Variants in FEM1C observed in about 807,000 individuals in gnomAD.
The protein encoded by FEM1C is fem-1 homolog C.
FEM1C carries 15 observed loss-of-function variants against 37.6 expected under a neutral mutation model. The observed-to-expected ratio is 0.40, with a 90% CI of 0.27 to 0.61. FEM1C has a LOEUF of 0.61. Ranked by LOEUF, FEM1C falls within the 20% of genes least tolerant of loss-of-function variation. The pLI is 0.42. For missense variants in FEM1C, 532 were observed against 749.7 expected (o/e 0.71, Z 3.39); for synonymous variants, 287 against 272.8 (o/e 1.05, Z -0.51).
chr5:115,536,934 T>A (rs1754141409), intron 2 of FEM1C, among the ~76,000 whole-genome samples: 1 of 152,124 alleles, frequency 6.6e-6, no homozygotes, highest in East Asian at 1.9e-4. Context: ...TAAGTAGAAT[T>A]TTCAAGGCTA....
intron 2 of FEM1C, among the ~76,000 whole-genome samples, chr5:115,538,576 T>A (rs997633147): frequency 6.6e-6 from 1 of 151,986 alleles, no homozygotes; most frequent in Non-Finnish European, 1.5e-5. Flanking sequence ...GATGTCACAG[T>A]GTTGTAGTAG....
chr5:115,524,431 T>C lies in FEM1C; in HGVS notation c.1731A>G (p.Leu577=). 1 of 1,613,448 alleles carries C rather than the reference T, an allele frequency of 6.2e-7. No individual in the cohort carries two copies. Among genetic ancestry groups the C allele is most frequent in the East Asian group, 2.2e-5 (1 of 44,866 alleles). The change falls in exon 3 of 3, where the codon TTA becomes TTG. Residue 577 remains leucine (L), a synonymous_variant. Coordinates refer to ENST00000274457, the MANE Select transcript of FEM1C (RefSeq NM_020177.3). Reference sequence around the variant, plus strand: ...ATGTGGTATGATTTATAGGCTGGATTAAATTTTTAGCTATTTCCTTCTCAT... The same window carrying C: ...ATGTGGTATGATTTATAGGCTGGATCAAATTTTTAGCTATTTCCTTCTCAT... ...LLDEKEIAKN[L]IQPINHTTLQ...
chr5:115,524,487 A>G lies in FEM1C; in HGVS notation c.1675T>C (p.Leu559=), dbSNP rs753177422. 99 of 1,612,680 alleles carry G rather than the reference A, an allele frequency of 6.1e-5. No individual in the cohort carries two copies. In the South Asian group the frequency reaches 7.8e-4, roughly 13 times the overall value. The part of the protein sequence containing the change: ...KSGAHFDATN[L]HKQTASDLLD... ...AAGTCACTAGCAGTTTGTTTGTGCA[A>G]GTTTGTGGCATCAAAATGTGCACCT... Residue 559 remains leucine, a synonymous_variant, in exon 3 of 3, where the codon TTG becomes CTG. Transcript: ENST00000274457.
rs1753802367 is a variant in FEM1C, at chr5:115,522,781, T to G, written c.*1527A>C. ...TAAGGAGCTTTTTATTGAGAACAAC[T>G]TCATTAAGACATTTGCAGGGCAAAT... On this transcript the variant is annotated 3_prime_UTR_variant, in exon 3 of 3. Coordinates refer to ENST00000274457, the MANE Select transcript of FEM1C (RefSeq NM_020177.3). 1 of 152,480 alleles carries G rather than the reference T, an allele frequency of 6.6e-6. No homozygotes were observed. The highest frequency in any genetic ancestry group is 2.4e-5 in the African/African-American group (1 of 41,452). 9.4% of individuals were successfully genotyped at this position (152,480 alleles called of 1,614,324 possible). A position where few individuals can be genotyped will look rare whatever the true frequency, so the allele number is the denominator to read the frequency against.
At chr5:115,537,818 A>G (rs1754159218) in intron 2 of FEM1C, among the ~76,000 whole-genome samples, 2 of 152,072 alleles carry the variant, frequency 1.3e-5, no homozygotes, top group South Asian at 2.1e-4. Context: ...GAAGGAAAAG[A>G]GAACTTCAGC....
chr5:115,530,021 A>G lies in FEM1C; in HGVS notation c.545-4404T>C, dbSNP rs536273573. On this transcript the variant is annotated intron_variant, in intron 2 of 2. Transcript: ENST00000274457. ...TAATTACATTAAATGTAAGTAAACTAAATGTTTAATTTAAACATTTAAAAG... is the reference window on the plus strand; with the variant it reads ...TAATTACATTAAATGTAAGTAAACTGAATGTTTAATTTAAACATTTAAAAG... Among the ~76,000 whole-genome samples the G allele has an allele frequency of 3.3e-5, 5 of 152,196 alleles. No individual in the cohort carries two copies. In the East Asian group the frequency reaches 9.7e-4, roughly 29 times the overall value.
intron 2 of FEM1C, among the ~76,000 whole-genome samples, chr5:115,528,490 T>A (rs895068898): frequency 6.6e-6 from 1 of 152,150 alleles, no homozygotes; most frequent in African/African-American, 2.4e-5. Context: ...ACTTTAACCC[T>A]AGGGAGTTAA....
chr5:115,534,330 T>G (rs1255029615), intron 2 of FEM1C, among the ~76,000 whole-genome samples: 1 of 151,976 alleles, frequency 6.6e-6, no homozygotes, highest in African/African-American at 2.4e-5. Flanking sequence ...TAAAAATTCA[T>G]GTTCAACTGT....
intron 2 of FEM1C, among the ~76,000 whole-genome samples, chr5:115,536,121 G>A (rs866830719): frequency 1.1e-4 from 17 of 151,852 alleles, no homozygotes; most frequent in Admixed American, 2.6e-4. Context: ...GATTTTTTCC[G>A]GGGGTGATGA....
At chr5:115,534,150 C>T (rs1320381633) in intron 2 of FEM1C, among the ~76,000 whole-genome samples, 1 of 151,806 alleles carries the variant, frequency 6.6e-6, no homozygotes, top group Non-Finnish European at 1.5e-5. Context: ...ATGAAAAGTG[C>T]CATTTTCACT....
chr5:115,543,056 G>A lies in FEM1C; in HGVS notation c.438C>T (p.Asn146=). The A allele has an allele frequency of 1.2e-6, 2 of 1,614,218 alleles. No homozygotes were observed. Among genetic ancestry groups the A allele is most frequent in the Non-Finnish European group, 1.7e-6 (2 of 1,180,044 alleles). Residue 146 remains asparagine, a synonymous_variant, in exon 2 of 3, where the codon AAC becomes AAT. Transcript: ENST00000274457. The part of the protein sequence containing the change: ...VEHKADLEVS[N]RHGHTCLMIS... ...TCATCAAGCACGTATGCCCATGTCG[G>A]TTTGACACTTCCAAATCAGCTTTGT...
chr5:115,525,165 A>G lies in FEM1C; in HGVS notation c.997T>C (p.Ser333Pro). 6.2e-7 allele frequency: 1 copy of G among 1,613,678 alleles called. No individual in the cohort carries two copies. Among genetic ancestry groups the G allele is most frequent in the Non-Finnish European group, 8.5e-7 (1 of 1,179,830 alleles). Residue 333 changes from serine to proline, a missense_variant, in exon 3 of 3, where the codon TCT becomes CCT. Ser to Pro is a moderately conservative substitution (Grantham distance 74). This residue lies in a region of FEM1C where 221 missense variants were observed against 404.1 expected (regional missense o/e 0.55). Coordinates refer to ENST00000274457, the MANE Select transcript of FEM1C (RefSeq NM_020177.3). Reference protein sequence around the residue: ...LLIRERILGPSHPDTSYYIRY... With the variant: ...LLIRERILGPPHPDTSYYIRY... ...ATATAGTAAGAGGTATCAGGATGAG[A>G]AGGACCAAGAATACGTTCTCTGATT...
At chr5:115,528,956 T>C (rs935609951) in intron 2 of FEM1C, among the ~76,000 whole-genome samples, 3 of 151,934 alleles carry the variant, frequency 2.0e-5, no homozygotes, top group Non-Finnish European at 4.4e-5. Context: ...CACAGCTGAA[T>C]AGAGAATTAG....
In FEM1C at chr5:115,525,373, A is replaced by G; in HGVS notation, c.789T>C (p.Leu263=). ...ATFVDKKRDL[L]GALKYWKKAM... ...CCTTTTTCCAGTATTTCAAAGCCCC[A>G]AGCAGATCTCTTTTTTTGTCTACAA... Residue 263 remains leucine, a synonymous_variant, in exon 3 of 3, where the codon CTT becomes CTC. Coordinates refer to ENST00000274457, the MANE Select transcript of FEM1C (RefSeq NM_020177.3). 6.2e-7 allele frequency: 1 copy of G among 1,613,630 alleles called. No individual in the cohort carries two copies. Among genetic ancestry groups the G allele is most frequent in the East Asian group, 2.2e-5 (1 of 44,868 alleles).
rs147020932 is a variant in FEM1C at position 115,520,970 on chromosome 5, G to A, written c.*3338C>T. The A allele has an allele frequency of 9.5e-4, 144 of 151,100 alleles. 2 individuals carry two copies. Among genetic ancestry groups the A allele is most frequent in the African/African-American group, 3.4e-3 (139 of 41,160 alleles). The allele number at this position is 151,100 out of a possible 1,614,324, so 9.4% of individuals were successfully genotyped here. On this transcript the variant is annotated 3_prime_UTR_variant, in exon 3 of 3. Transcript: ENST00000274457. The stretch of plus-strand genomic sequence containing the variant: ...ATGTTGTGGCATATGATTTTCCATT[G>A]TGTGACAATTTATTAGCTGGCATCC...
At chr5:115,528,756 G>C (rs1269885588) in intron 2 of FEM1C, among the ~76,000 whole-genome samples, 1 of 152,032 alleles carries the variant, frequency 6.6e-6, no homozygotes, top group Non-Finnish European at 1.5e-5. Flanking sequence ...TGGAAATAAA[G>C]AGCTGACAGA....
chr5:115,527,674 C>A (rs1439358602), intron 2 of FEM1C, among the ~76,000 whole-genome samples: 1 of 146,282 alleles, frequency 6.8e-6, no homozygotes, highest in African/African-American at 2.4e-5. Context: ...TGGCACTTTT[C>A]TCTATTCAGA....
In FEM1C at chr5:115,524,464, G is replaced by A. The variant is rs73253005; in HGVS notation, c.1698C>T (p.Asp566=). 139,650 of 1,612,858 alleles carry A rather than the reference G, an allele frequency of 0.087. 6,495 individuals carry two copies. Among genetic ancestry groups the A allele is most frequent in the African/African-American group, 0.13 (9,628 of 74,896 alleles). The change falls in exon 3 of 3, where the codon GAC becomes GAT. Residue 566 remains aspartate (D), a synonymous_variant. Coordinates refer to ENST00000274457, the MANE Select transcript of FEM1C (RefSeq NM_020177.3). Reference sequence around the variant, plus strand: ...TAGCTATTTCCTTCTCATCCAGCAAGTCACTAGCAGTTTGTTTGTGCAAGT... The same window carrying A: ...TAGCTATTTCCTTCTCATCCAGCAAATCACTAGCAGTTTGTTTGTGCAAGT... The part of the protein sequence containing the change: ...ATNLHKQTAS[D]LLDEKEIAKN...
intron 2 of FEM1C, among the ~76,000 whole-genome samples, chr5:115,529,522 A>C (rs867835225): frequency 3.9e-5 from 6 of 152,138 alleles, no homozygotes; most frequent in African/African-American, 4.8e-5. Flanking sequence ...TATTACCAGC[A>C]GATCTAAATA....
Sources: allele counts gnomAD v4.1 joint callset (sites outside exome capture counted in the v4.1 genomes callset), GRCh38; gene constraint gnomAD v4.1.1; regional missense constraint gnomAD v4.1.1; transcripts MANE v1.5; gene names NCBI Gene and HGNC (gene_info 2026-07-23, HGNC 2026-07-21).